Variants in UIMC1 observed in about 807,000 individuals in gnomAD.
UIMC1 encodes ubiquitin interaction motif containing 1.
In UIMC1, 42 loss-of-function variants were observed where a neutral mutation model predicts 84.9. That is an observed-to-expected ratio of 0.49 (90% CI 0.39 to 0.64). UIMC1 has a LOEUF of 0.64. UIMC1 is among the 30% of genes least tolerant of loss of function. The pLI is 0.00. For missense variants in UIMC1, 825 were observed against 847.6 expected (o/e 0.97, Z 0.33); for synonymous variants, 281 against 293.0 (o/e 0.96, Z 0.42).
In UIMC1 at chr5:176,907,142, GA is replaced by G; in HGVS notation, c.1883del (p.Phe628SerfsTer47). 1 of 1,613,888 alleles carries G rather than the reference GA, an allele frequency of 6.2e-7. No individual in the cohort carries two copies. The highest frequency in any genetic ancestry group is 8.5e-7 in the Non-Finnish European group (1 of 1,179,850). On this transcript the variant is annotated frameshift_variant, in exon 13 of 15. Coordinates refer to ENST00000511320, the MANE Select transcript of UIMC1 (RefSeq NM_001199298.2). LOFTEE classifies it high-confidence loss of function. The stretch of plus-strand genomic sequence containing the variant: ...AAGTCTTGTGCTCAGACTGTTCCAA[GA>G]AACTAAGGAGTCGGCCTTCACTGTG... ...KGHSEGRLLS[F>X]LEQSEHKTSD...
chr5:176,913,197 G>A (rs556852762), intron 10 of UIMC1, among the ~76,000 whole-genome samples: 246 of 152,256 alleles, frequency 1.6e-3, no homozygotes, highest in African/African-American at 5.7e-3. Flanking sequence ...ACTATACCTA[G>A]TTACTATGGC....
chr5:176,989,756 T>C (rs572692630), intron 1 of UIMC1, among the ~76,000 whole-genome samples: 1 of 152,292 alleles, frequency 6.6e-6, no homozygotes, highest in Non-Finnish European at 1.5e-5. Flanking sequence ...ATTATTTAAG[T>C]ATACATAAAT....
chr5:176,916,473 G>A lies in UIMC1; in HGVS notation c.1598-5084C>T, dbSNP rs571583911. 9.3e-4 allele frequency among the ~76,000 whole-genome samples: 142 copies of A among 152,288 alleles called. 2 individuals carry two copies. The highest frequency in any genetic ancestry group is 3.3e-3 in the African/African-American group (138 of 41,568). On this transcript the variant is annotated intron_variant, in intron 10 of 14. Transcript: ENST00000511320. ...GTGAAGGGCACTCACTGGCTTTAGAGTTGGACAACAGGTGTCCAGGTTGGG... is the reference window on the plus strand; with the variant it reads ...GTGAAGGGCACTCACTGGCTTTAGAATTGGACAACAGGTGTCCAGGTTGGG...
At chr5:176,918,458 C>G (rs1161061605) in intron 10 of UIMC1, among the ~76,000 whole-genome samples, 1 of 152,190 alleles carries the variant, frequency 6.6e-6, no homozygotes, top group African/African-American at 2.4e-5. Flanking sequence ...CAATTTCTGT[C>G]CCCTGCATCT....
At chr5:176,924,255 T>C (rs889578058) in intron 10 of UIMC1, among the ~76,000 whole-genome samples, 3 of 150,886 alleles carry the variant, frequency 2.0e-5, no homozygotes, top group Admixed American at 1.3e-4. Flanking sequence ...GAGGCGGAGG[T>C]TGCAGTGAGC....
chr5:176,905,024 GAA>G lies in UIMC1; in HGVS notation c.*256_*257del, dbSNP rs1311269740. 6.1e-6 allele frequency: 2 copies of G among 326,626 alleles called. No individual in the cohort carries two copies. Among genetic ancestry groups the G allele is most frequent in the Non-Finnish European group, 1.1e-5 (2 of 178,596 alleles). 20.2% of individuals were successfully genotyped at this position (326,626 alleles called of 1,614,324 possible). A position where few individuals can be genotyped will look rare whatever the true frequency, so the allele number is the denominator to read the frequency against. On this transcript the variant is annotated 3_prime_UTR_variant, in exon 15 of 15. Coordinates refer to ENST00000511320, the MANE Select transcript of UIMC1 (RefSeq NM_001199298.2). ...AAAAAAATTAAAATTTCCATCTATT[GAA>G]ATAAGATTTCGTACAAACATAAATA...
chr5:176,919,412 A>G (rs1456033964), intron 10 of UIMC1, among the ~76,000 whole-genome samples: 1 of 152,220 alleles, frequency 6.6e-6, no homozygotes, highest in Non-Finnish European at 1.5e-5. Flanking sequence ...AGTCCAATTT[A>G]TCTTTTTCTT....
At chr5:176,974,621 G>A (rs1769770157) in intron 3 of UIMC1, among the ~76,000 whole-genome samples, 1 of 152,108 alleles carries the variant, frequency 6.6e-6, no homozygotes, top group African/African-American at 2.4e-5. Context: ...TGAGGCGGGT[G>A]GATCGCTTGA....
At chr5:176,959,115 A>G (rs984823789) in intron 6 of UIMC1, among the ~76,000 whole-genome samples, 2 of 152,272 alleles carry the variant, frequency 1.3e-5, no homozygotes, top group African/African-American at 2.4e-5. Flanking sequence ...AAGTTGTACA[A>G]TAATAGGGAA....
chr5:176,921,476 A>C (rs1761700953), intron 10 of UIMC1, among the ~76,000 whole-genome samples: 1 of 152,204 alleles, frequency 6.6e-6, no homozygotes, highest in South Asian at 2.1e-4. Context: ...TCTTAAAATT[A>C]TGTACAAAAC....
chr5:176,917,467 G>A (rs1761143291), intron 10 of UIMC1, among the ~76,000 whole-genome samples: 1 of 152,152 alleles, frequency 6.6e-6, no homozygotes, highest in African/African-American at 2.4e-5. Flanking sequence ...AGCTTCTCGG[G>A]AGGTTAAGGC....
At chr5:176,979,428 G>A (rs1561870877) in intron 2 of UIMC1, among the ~76,000 whole-genome samples, 1 of 152,136 alleles carries the variant, frequency 6.6e-6, no homozygotes, top group Non-Finnish European at 1.5e-5. Context: ...CCAACATGGT[G>A]AAACCTCATC....
chr5:176,908,462 G>T, intron 12 of UIMC1, 61 bp downstream of exon 12: 1 of 1,537,678 alleles, frequency 6.5e-7, no homozygotes, highest in Admixed American at 1.8e-5. Flanking sequence ...CAGAACTGTG[G>T]CCTCTTACAA....
intron 10 of UIMC1, among the ~76,000 whole-genome samples, chr5:176,936,660 C>T (rs917510956): frequency 2.0e-5 from 3 of 152,166 alleles, no homozygotes; most frequent in African/African-American, 7.2e-5. Flanking sequence ...TACTCTAATC[C>T]AGCCACATTC....
intron 1 of UIMC1, among the ~76,000 whole-genome samples, chr5:176,988,443 T>C (rs963889303): frequency 6.6e-6 from 1 of 152,160 alleles, no homozygotes; most frequent in Non-Finnish European, 1.5e-5. Context: ...TGTATGATTC[T>C]ATTTATAAGA....
intron 10 of UIMC1, among the ~76,000 whole-genome samples, chr5:176,932,267 A>C (rs1763184581): frequency 6.6e-6 from 1 of 152,250 alleles, no homozygotes; most frequent in African/African-American, 2.4e-5. Flanking sequence ...AATCTGTTCC[A>C]AAACATCCTT....
At chr5:176,954,407 C>T (rs1439468941) in intron 8 of UIMC1, among the ~76,000 whole-genome samples, 1 of 152,012 alleles carries the variant, frequency 6.6e-6, no homozygotes, top group South Asian at 2.1e-4. Flanking sequence ...GTAATCCAAA[C>T]ACATTTCAAA....
At chr5:176,940,376 G>A (rs1764261152) in intron 10 of UIMC1, among the ~76,000 whole-genome samples, 1 of 152,178 alleles carries the variant, frequency 6.6e-6, no homozygotes, top group Non-Finnish European at 1.5e-5. Context: ...CTGACCTGAA[G>A]GAGGTCATAT....
intron 6 of UIMC1, among the ~76,000 whole-genome samples, chr5:176,962,026 G>T (rs1238483440): frequency 2.1e-5 from 1 of 47,936 alleles, no homozygotes; most frequent in Non-Finnish European, 4.0e-5. Context: ...CAGCCGCCCC[G>T]TCCGGGAGGT....
Sources: allele counts gnomAD v4.1 joint callset (sites outside exome capture counted in the v4.1 genomes callset), GRCh38; gene constraint gnomAD v4.1.1; transcripts MANE v1.5; gene names NCBI Gene and HGNC (gene_info 2026-07-23, HGNC 2026-07-21).